The following DEXI variants were observed in gnomAD, a reference collection of about 807,000 sequenced individuals.
DEXI encodes Dexi homolog.
DEXI carries 2 observed loss-of-function variants against 2.5 expected under a neutral mutation model. The ratio of observed to expected loss-of-function variants is 0.81; its 90% CI spans 0.33 to 2.55. The LOEUF is 2.55. Among genes scored for constraint, DEXI ranks in the 30% most tolerant of loss-of-function variants. The probability of loss-of-function intolerance (pLI) is 0.11; values close to 1 mark genes in which losing one functional copy is unlikely to be tolerated. For synonymous variants in DEXI, 71 were observed against 68.7 expected, an observed-to-expected ratio of 1.03 and a Z score of -0.17; for missense variants, 108 against 130.3, an observed-to-expected ratio of 0.83 and a Z score of 0.83.
intron 1 of DEXI, chr16:10,935,508 T>G (rs962215423): frequency 5.3e-5 from 8 of 152,240 alleles, no homozygotes; most frequent in African/African-American, 1.9e-4. Flanking sequence ...GTGACAGACA[T>G]TTTTTAAAAA....
In DEXI at chr16:10,934,256, T is replaced by C. The variant is rs2040926822; in HGVS notation, c.*150-4697A>G. ...TTATTTACTTAGTATTTTAAACCAA[T>C]GTACTTTTTAAACTCCAATTTTTTA... is the stretch of plus-strand genomic sequence containing the variant. On this transcript the variant is annotated intron_variant, in intron 1 of 1. Transcript: ENST00000331808. This position sits in a 1 kb window ranked among gnomAD's most constrained non-coding sequence, Gnocchi z 4.2. 6.6e-6 allele frequency: 1 copy of C among 152,218 alleles called. No individual in the cohort carries two copies. The highest frequency in any genetic ancestry group is 2.4e-5 in the African/African-American group (1 of 41,454). 9.4% of individuals were successfully genotyped at this position (152,218 alleles called of 1,614,324 possible).
chr16:10,932,207 T>C (rs1240692597), intron 1 of DEXI: 1 of 152,228 alleles, frequency 6.6e-6, no homozygotes, highest in African/African-American at 2.4e-5. Flanking sequence ...ACTTTGGCTA[T>C]TAGAGATCAA....
At chr16:10,933,360 G>A (rs1333594001) in intron 1 of DEXI, 1 of 152,368 alleles carries the variant, frequency 6.6e-6, no homozygotes, top group Non-Finnish European at 1.5e-5. Context: ...GCGCACTGGT[G>A]GGTGAGGCTC....
At chr16:10,931,090 T>A (rs2040767820) in intron 1 of DEXI, 1 of 152,628 alleles carries the variant, frequency 6.6e-6, no homozygotes, top group Admixed American at 6.5e-5. Flanking sequence ...TTTGGGAGGC[T>A]GGGGTGGGAG....
rs1291346764 is a variant in DEXI, at chr16:10,929,703, C to G, written c.*150-144G>C. 4.0e-6 allele frequency: 1 copy of G among 252,030 alleles called. No homozygotes were observed. Among genetic ancestry groups the G allele is most frequent in the African/African-American group, 2.3e-5 (1 of 43,354 alleles). 15.6% of individuals were successfully genotyped at this position (252,030 alleles called of 1,614,324 possible). A position where few individuals can be genotyped will look rare whatever the true frequency, so the allele number is the denominator to read the frequency against. ...TCCTCCATCCCTCAAATTTAGGGAA[C>G]CACTGGGAGCCCCAGACTCAGGCTG... On this transcript the variant is annotated intron_variant, in intron 1 of 1. Coordinates refer to ENST00000331808, the MANE Select transcript of DEXI (RefSeq NM_014015.4). This position sits in a 1 kb window ranked among gnomAD's most constrained non-coding sequence, Gnocchi z 4.3.
At chr16:10,930,030 T>A (rs1376560074) in intron 1 of DEXI, 1 of 152,278 alleles carries the variant, frequency 6.6e-6, no homozygotes, top group Non-Finnish European at 1.5e-5. Flanking sequence ...GCCAAGTTAC[T>A]CAGCAGCCCC....
intron 1 of DEXI, chr16:10,932,794 T>C (rs1488670875): frequency 6.6e-6 from 1 of 151,314 alleles, no homozygotes; most frequent in Non-Finnish European, 1.5e-5. Context: ...TTCAAGCAAT[T>C]CTCATGCCTC....
chr16:10,941,387 AAGCTTTCC>A lies in DEXI; in HGVS notation c.*149+174_*149+181del, dbSNP rs1816931134. 1 of 363,014 alleles carries A rather than the reference AAGCTTTCC, an allele frequency of 2.8e-6. No individual in the cohort carries two copies. The highest frequency in any genetic ancestry group is 2.1e-5 in the African/African-American group (1 of 46,658). 22.5% of individuals were successfully genotyped at this position (363,014 alleles called of 1,614,324 possible). On this transcript the variant is annotated intron_variant, in intron 1 of 1. Coordinates refer to ENST00000331808, the MANE Select transcript of DEXI (RefSeq NM_014015.4). The surrounding 1 kb of genome is among the most constrained non-coding windows in gnomAD (Gnocchi z 6.4). ...CACCAGCTGTCCCCTTTGCTGGAGG[AAGCTTTCC>A]AGCCCAAACGAAGGGCTTAAGAGGA...
In DEXI at chr16:10,940,578, G is replaced by T. The variant is rs570421572; in HGVS notation, c.*149+991C>A. ...GTCCAGTCTCAGGGGCTGAGCCAAG[G>T]CGTTCCTGCCTGCCCTGTGACCCTC... On this transcript the variant is annotated intron_variant, in intron 1 of 1. Transcript: ENST00000331808. The surrounding 1 kb of genome is among the most constrained non-coding windows in gnomAD (Gnocchi z 4.2). 1 of 152,494 alleles carries T rather than the reference G, an allele frequency of 6.6e-6. No individual in the cohort carries two copies. Among genetic ancestry groups the T allele is most frequent in the African/African-American group, 2.4e-5 (1 of 41,584 alleles). The allele number at this position is 152,494 out of a possible 1,614,324, so 9.4% of individuals were successfully genotyped here. A position where few individuals can be genotyped will look rare whatever the true frequency, so the allele number is the denominator to read the frequency against.
rs1051912740 is a variant in DEXI at position 10,929,385 on chromosome 16, C to T, written c.*324G>A. 1 of 985,740 alleles carries T rather than the reference C, an allele frequency of 1.0e-6. No homozygotes were observed. Among genetic ancestry groups the T allele is most frequent in the Non-Finnish European group, 1.2e-6 (1 of 829,926 alleles). 61.1% of individuals were successfully genotyped at this position (985,740 alleles called of 1,614,324 possible). On this transcript the variant is annotated 3_prime_UTR_variant, in exon 2 of 2. Transcript: ENST00000331808. The surrounding 1 kb of genome is among the most constrained non-coding windows in gnomAD (Gnocchi z 4.3). Reference sequence around the variant, plus strand: ...GCTGCAAATAATCAGAAGCCAAGGCCAGGCCATCGATTTGACACTGCAGGC... The same window carrying T: ...GCTGCAAATAATCAGAAGCCAAGGCTAGGCCATCGATTTGACACTGCAGGC...
In DEXI at chr16:10,942,293, C is replaced by G; in HGVS notation, c.-288G>C. ...TGCCCGGCTCCCTCGTGGCGCCTCC[C>G]TGGCGCTCGCAGGGCCTCGCAGAGC... On this transcript the variant is annotated 5_prime_UTR_variant, in exon 1 of 2. Coordinates refer to ENST00000331808, the MANE Select transcript of DEXI (RefSeq NM_014015.4). This position sits in a 1 kb window ranked among gnomAD's most constrained non-coding sequence, Gnocchi z 5.0. The G allele has an allele frequency of 3.2e-6, 1 of 314,424 alleles. No homozygotes were observed. The allele number at this position is 314,424 out of a possible 1,614,324, so 19.5% of individuals were successfully genotyped here. A position where few individuals can be genotyped will look rare whatever the true frequency, so the allele number is the denominator to read the frequency against.
intron 1 of DEXI, chr16:10,935,660 G>C (rs947063780): frequency 7.9e-5 from 12 of 152,206 alleles, no homozygotes; most frequent in Non-Finnish European, 1.8e-4. Context: ...ACTGATCAAA[G>C]TTAACATCGC....
In DEXI at chr16:10,929,246, T is replaced by C; in HGVS notation, c.*463A>G. 1.0e-6 allele frequency: 1 copy of C among 985,646 alleles called. No homozygotes were observed. The highest frequency in any genetic ancestry group is 1.2e-6 in the Non-Finnish European group (1 of 829,764). 61.1% of individuals were successfully genotyped at this position (985,646 alleles called of 1,614,324 possible). A position where few individuals can be genotyped will look rare whatever the true frequency, so the allele number is the denominator to read the frequency against. ...AACGGAGCTGGGAGTCGCTTTTGCG[T>C]GTGTCCGCAGTTTGAAGTGTCCTCT... is the stretch of plus-strand genomic sequence containing the variant. On this transcript the variant is annotated 3_prime_UTR_variant, in exon 2 of 2. Transcript: ENST00000331808. The surrounding 1 kb of genome is among the most constrained non-coding windows in gnomAD (Gnocchi z 4.3).
chr16:10,942,184 G>T lies in DEXI; in HGVS notation c.-179C>A. 2.1e-6 allele frequency: 1 copy of T among 478,480 alleles called. No individual in the cohort carries two copies. The highest frequency in any genetic ancestry group is 3.4e-6 in the Non-Finnish European group (1 of 291,620). 29.6% of individuals were successfully genotyped at this position (478,480 alleles called of 1,614,324 possible). A position where few individuals can be genotyped will look rare whatever the true frequency, so the allele number is the denominator to read the frequency against. ...CCCCGACCCCCGAAATGCGCCGGGCGGGTCACCGCACCCCGAGATGTGCCC... is the reference window on the plus strand; with the variant it reads ...CCCCGACCCCCGAAATGCGCCGGGCTGGTCACCGCACCCCGAGATGTGCCC... On this transcript the variant is annotated 5_prime_UTR_variant, in exon 1 of 2. Coordinates refer to ENST00000331808, the MANE Select transcript of DEXI (RefSeq NM_014015.4). This position sits in a 1 kb window ranked among gnomAD's most constrained non-coding sequence, Gnocchi z 5.0.
At chr16:10,932,349 T>A (rs2040833445) in intron 1 of DEXI, 1 of 152,214 alleles carries the variant, frequency 6.6e-6, no homozygotes, top group Non-Finnish European at 1.5e-5. Flanking sequence ...AACTCACTTA[T>A]CCCTCAAAAA....
In DEXI at chr16:10,929,431, T is replaced by A; in HGVS notation, c.*278A>T. Reference sequence around the variant, plus strand: ...CAGGCAGATGAGGTCTTGGGATGCCTCTTGCGTTCCCCCTTCTGTGGGAGC... The same window carrying A: ...CAGGCAGATGAGGTCTTGGGATGCCACTTGCGTTCCCCCTTCTGTGGGAGC... On this transcript the variant is annotated 3_prime_UTR_variant, in exon 2 of 2. Transcript: ENST00000331808. This position sits in a 1 kb window ranked among gnomAD's most constrained non-coding sequence, Gnocchi z 4.3. 5.1e-6 allele frequency: 5 copies of A among 985,886 alleles called. No individual in the cohort carries two copies. Among genetic ancestry groups the A allele is most frequent in the Non-Finnish European group, 4.8e-6 (4 of 829,972 alleles). 61.1% of individuals were successfully genotyped at this position (985,886 alleles called of 1,614,324 possible). A position where few individuals can be genotyped will look rare whatever the true frequency, so the allele number is the denominator to read the frequency against.
At chr16:10,935,521 A>C (rs1225346592) in intron 1 of DEXI, 1 of 152,252 alleles carries the variant, frequency 6.6e-6, no homozygotes, top group Non-Finnish European at 1.5e-5. Flanking sequence ...TTTAAAAAAT[A>C]AATTCACATA....
chr16:10,933,646 CT>C (rs2040894817), intron 1 of DEXI: 1 of 152,284 alleles, frequency 6.6e-6, no homozygotes, highest in Non-Finnish European at 1.5e-5. Context: ...GGTTCCTTCC[CT>C]CCTTAGCCCC....
intron 1 of DEXI, chr16:10,933,730 A>C (rs966945900): frequency 3.3e-5 from 5 of 152,286 alleles, no homozygotes; most frequent in Admixed American, 3.3e-4. Context: ...AAGCAGCAGC[A>C]CTTTTCCTCC....
Sources: gnomAD v4.1 joint callset for allele counts on GRCh38, gnomAD v4.1.1 for gene constraint, Gnocchi (gnomAD v3.1) non-coding constraint, MANE v1.5 for transcripts, NCBI Gene and HGNC (gene_info 2026-07-23, HGNC 2026-07-21) for gene names.